The following SCUBE1 variants were observed in gnomAD, a reference collection of about 807,000 sequenced individuals.
SCUBE1 encodes the protein signal peptide, CUB and EGF-like domain-containing protein 1.
In SCUBE1, 59 loss-of-function variants were observed where a neutral mutation model predicts 124.4. The ratio of observed to expected loss-of-function variants is 0.47; its 90% CI spans 0.38 to 0.59. The LOEUF is 0.59. SCUBE1 is among the 20% of genes least tolerant of loss of function. The probability of loss-of-function intolerance (pLI) is 0.00; values close to 1 mark genes in which losing one functional copy is unlikely to be tolerated. For synonymous variants in SCUBE1, 545 were observed against 550.9 expected (o/e 0.99, Z 0.15); for missense variants, 1,150 against 1,371.2 (o/e 0.84, Z 2.55).
chr22:43,210,123 C>T lies in SCUBE1; in HGVS notation c.2501G>A (p.Arg834His), dbSNP rs1172565548. 5.0e-6 allele frequency: 8 copies of T among 1,612,720 alleles called. No homozygotes were observed. Among genetic ancestry groups the T allele is most frequent in the East Asian group, 4.5e-5 (2 of 44,844 alleles). Reference sequence around the variant, plus strand: ...CTCAGGGACCACGATGAGGATCCTGCGCTTTGGGGGAGGCGCGATGTGCCA... The same window carrying T: ...CTCAGGGACCACGATGAGGATCCTGTGCTTTGGGGGAGGCGCGATGTGCCA... Reference protein sequence around the residue: ...CVWHIAPPPKRRILIVVPEIF... With the variant: ...CVWHIAPPPKHRILIVVPEIF... Residue 834 changes from arginine (R) to histidine (H), a missense_variant, in exon 19 of 22, where the codon CGC (arginine) becomes CAC (histidine). Arg to His is a conservative substitution (Grantham distance 29, BLOSUM62 0). Around this residue, in one of 3 missense-constraint regions of SCUBE1, gnomAD observed 757 missense variants for 840.9 expected, o/e 0.90. Coordinates refer to ENST00000360835, the MANE Select transcript of SCUBE1 (RefSeq NM_173050.5). This position sits in a 1 kb window ranked among gnomAD's most constrained non-coding sequence, Gnocchi z 4.5.
intron 21 of SCUBE1, among the ~76,000 whole-genome samples, chr22:43,205,580 CCCA>C (rs993694713): frequency 2.3e-4 from 35 of 150,820 alleles, no homozygotes; most frequent in Non-Finnish European, 4.1e-4. Context: ...CCCACCACAC[CCCA>C]CACCACACAC....
intron 4 of SCUBE1, chr22:43,282,541 T>C (rs1308871160): frequency 1.3e-5 from 2 of 152,244 alleles, no homozygotes; most frequent in East Asian, 1.9e-4. Context: ...CCTCTCTTTC[T>C]ACCACAAACT....
At position 43,210,033 on chromosome 22, in the gene SCUBE1, C is replaced by A; in HGVS notation, c.2581+10G>T. ...GAGGCTGCCTCTGGTCCCCTCGGCC[C>A]CCAACATACCACTCTTCCTCATGAC... On this transcript the variant is annotated intron_variant, in intron 19 of 21. Transcript: ENST00000360835. This position sits in a 1 kb window ranked among gnomAD's most constrained non-coding sequence, Gnocchi z 4.5. 6.3e-7 allele frequency: 1 copy of A among 1,595,188 alleles called. No individual in the cohort carries two copies. The highest frequency in any genetic ancestry group is 8.5e-7 in the Non-Finnish European group (1 of 1,170,248).
intron 16 of SCUBE1, chr22:43,213,415 C>G (rs1921661384): frequency 6.6e-6 from 1 of 152,250 alleles, no homozygotes; most frequent in Non-Finnish European, 1.5e-5. Flanking sequence ...ACCCCACTCC[C>G]CCACCCTCAC....
chr22:43,312,439 G>C (rs1178515697), intron 3 of SCUBE1, among the ~76,000 whole-genome samples: 3 of 152,200 alleles, frequency 2.0e-5, no homozygotes, highest in African/African-American at 7.2e-5. Flanking sequence ...TGCGGGTACA[G>C]GGAAGGCTGG....
At chr22:43,331,202 A>G (rs1926892405) in intron 2 of SCUBE1, among the ~76,000 whole-genome samples, 1 of 152,194 alleles carries the variant, frequency 6.6e-6, no homozygotes, top group African/African-American at 2.4e-5. Flanking sequence ...ACCTAACTTC[A>G]GTGATTGACA....
At chr22:43,308,177 G>A (rs1801605121) in intron 3 of SCUBE1, among the ~76,000 whole-genome samples, 1 of 152,220 alleles carries the variant, frequency 6.6e-6, no homozygotes, top group African/African-American at 2.4e-5. Context: ...ACTGTCCAGG[G>A]AGTCTCTTTC....
chr22:43,284,255 A>C (rs1056630758), intron 4 of SCUBE1, among the ~76,000 whole-genome samples: 1 of 152,250 alleles, frequency 6.6e-6, no homozygotes, highest in Non-Finnish European at 1.5e-5. Flanking sequence ...TGAGTTCATA[A>C]CAAGAATCCT....
At chr22:43,341,081 GCA>G (rs34927467) in intron 1 of SCUBE1, among the ~76,000 whole-genome samples, 40,543 of 142,258 alleles carry the variant, frequency 0.28, 6,068 homozygotes, top group African/African-American at 0.42. Context: ...TGACCCCCCT[GCA>G]CACACACACA....
chr22:43,342,086 T>C (rs1927335566), intron 1 of SCUBE1, among the ~76,000 whole-genome samples: 2 of 151,844 alleles, frequency 1.3e-5, no homozygotes, highest in Admixed American at 6.6e-5. Context: ...GAATAGACCC[T>C]ACGCCACCCA....
intron 6 of SCUBE1, among the ~76,000 whole-genome samples, chr22:43,243,917 G>A (rs896530597): frequency 6.6e-6 from 1 of 152,180 alleles, no homozygotes; most frequent in South Asian, 2.1e-4. Flanking sequence ...ACAGGCAGTT[G>A]CTAATTCATT....
At chr22:43,331,932 T>G in intron 2 of SCUBE1, among the ~76,000 whole-genome samples, 2 of 151,650 alleles carry the variant, frequency 1.3e-5, no homozygotes, top group Non-Finnish European at 2.9e-5. Context: ...GGTCCAGAGG[T>G]AGGAACAAGC....
rs544317764 is a variant in SCUBE1 at position 43,337,408 on chromosome 22, C to T, written c.220+1696G>A. Among the ~76,000 whole-genome samples the T allele has an allele frequency of 1.8e-4, 28 of 152,332 alleles. No individual in the cohort carries two copies. The South Asian group carries it at 5.0e-3, about 27-fold the overall frequency. ...ATAGGGGGGTCAACCATGGCCCCGC[C>T]TTTCCGGGACACTGGGTCTGGAAGG... On this transcript the variant is annotated intron_variant, in intron 2 of 21. Transcript: ENST00000360835.
chr22:43,245,654 T>C (rs1601825295), intron 6 of SCUBE1, among the ~76,000 whole-genome samples: 1 of 151,972 alleles, frequency 6.6e-6, no homozygotes, highest in African/African-American at 2.4e-5. Context: ...CAGCCCAGGG[T>C]CTCCTGGACT....
intron 6 of SCUBE1, among the ~76,000 whole-genome samples, chr22:43,251,250 T>A (rs1923435918): frequency 6.6e-6 from 1 of 152,200 alleles, no homozygotes; most frequent in African/African-American, 2.4e-5. Context: ...GCATCCCACA[T>A]CTTCAGGACT....
intron 4 of SCUBE1, among the ~76,000 whole-genome samples, chr22:43,269,666 C>CTT (rs960562328): frequency 1.1e-4 from 16 of 152,142 alleles, no homozygotes; most frequent in Non-Finnish European, 2.2e-4. Context: ...ATTTTCCTCC[C>CTT]TTCGCCTCAT....
chr22:43,281,553 A>C (rs1293977152), intron 4 of SCUBE1, among the ~76,000 whole-genome samples: 10 of 54,086 alleles, frequency 1.8e-4, no homozygotes, highest in Admixed American at 6.5e-4. Flanking sequence ...CCCTCCTGTC[A>C]CCTCCCCCTC....
chr22:43,214,052 C>G, intron 16 of SCUBE1, 38 bp downstream of exon 16: 1 of 299,950 alleles, frequency 3.3e-6, no homozygotes, highest in Non-Finnish European at 6.6e-6. Context: ...CCCCCGCCCA[C>G]CCCCCACCCC....
chr22:43,331,615 TTTAA>T (rs1356295917), intron 2 of SCUBE1, among the ~76,000 whole-genome samples: 71 of 152,214 alleles, frequency 4.7e-4, no homozygotes, highest in Non-Finnish European at 3.4e-4. Context: ...AACGAGAGCT[TTTAA>T]TTAAGATTAG....
Sources: gnomAD v4.1 joint callset for allele counts (sites outside exome capture counted in the v4.1 genomes callset) on GRCh38, gnomAD v4.1.1 for gene constraint, gnomAD v4.1.1 regional missense constraint, Gnocchi (gnomAD v3.1) non-coding constraint, MANE v1.5 for transcripts, NCBI Gene and HGNC (gene_info 2026-07-23, HGNC 2026-07-21) for gene names.